The following TMC2 variants were observed in gnomAD, a reference collection of about 807,000 sequenced individuals.
TMC2 encodes the protein transmembrane channel like 2, also known as transmembrane channel-like protein 2.
TMC2 carries 102 observed loss-of-function variants against 105.9 expected under a neutral mutation model. That is an observed-to-expected ratio of 0.96 (90% CI 0.82 to 1.14). The LOEUF (loss-of-function observed/expected upper bound fraction) is 1.14. TMC2 is among the 50% of genes most tolerant of loss of function. The pLI is 0.00. For missense variants in TMC2, 1,093 were observed against 1,134.3 expected (o/e 0.96, Z 0.52); for synonymous variants, 402 against 422.8 (o/e 0.95, Z 0.60).
chr20:2,545,937 GA>G (rs748173258), intron 2 of TMC2, among the ~76,000 whole-genome samples: 57 of 151,324 alleles, frequency 3.8e-4, no homozygotes, highest in Non-Finnish European at 6.5e-4. Flanking sequence ...AAGAAAGAAA[GA>G]AAAGAAAGGG....
chr20:2,537,197 A>G (rs2085855422), intron 1 of TMC2, 72 bp from the exon 2 acceptor site: 4 of 1,409,008 alleles, frequency 2.8e-6, no homozygotes, highest in Non-Finnish European at 3.9e-6. Context: ...GGGGTCCCAC[A>G]GTGACCGGGG....
At chr20:2,549,610 G>C (rs1293012937) in intron 2 of TMC2, among the ~76,000 whole-genome samples, 1 of 151,958 alleles carries the variant, frequency 6.6e-6, no homozygotes, top group African/African-American at 2.4e-5. Flanking sequence ...AGGCATGGTG[G>C]CGTGTGCCTG....
chr20:2,580,145 AAG>A (rs1256486659), intron 7 of TMC2, 89 bp downstream of exon 7: 22 of 722,438 alleles, frequency 3.0e-5, no homozygotes, highest in Non-Finnish European at 4.6e-5. Context: ...CTGTTTTACA[AAG>A]AATCAGTCAT....
At chr20:2,582,549 C>T (rs1229004780) in intron 7 of TMC2, among the ~76,000 whole-genome samples, 1 of 152,176 alleles carries the variant, frequency 6.6e-6, no homozygotes, top group Non-Finnish European at 1.5e-5. Context: ...AGTCTTGGCT[C>T]GCTGCAGCCT....
intron 11 of TMC2, among the ~76,000 whole-genome samples, chr20:2,604,812 T>C (rs932896955): frequency 6.6e-6 from 1 of 152,294 alleles, no homozygotes; most frequent in Non-Finnish European, 1.5e-5. Flanking sequence ...AGGGCAGAGT[T>C]TGAAGAGTGG....
Position 2,610,444 on chromosome 20 carries a change from G to A in TMC2, c.1439G>A (p.Gly480Glu), listed in dbSNP as rs2146235981. 1 of 1,612,364 alleles carries A rather than the reference G, an allele frequency of 6.2e-7. No homozygotes were observed. The highest frequency in any genetic ancestry group is 8.5e-7 in the Non-Finnish European group (1 of 1,179,070). Reference sequence around the variant, plus strand: ...GTAGAGATCGTGATGTCCCTGCTTGGAATGTTTTGTCCCCCTCTGTTTGAA... The same window carrying A: ...GTAGAGATCGTGATGTCCCTGCTTGAAATGTTTTGTCCCCCTCTGTTTGAA... ...NEVEIVMSLL[G>E]MFCPPLFETI... The change falls in exon 12 of 20, where the codon GGA becomes GAA. Residue 480 changes from glycine to glutamate, a missense_variant. Physicochemically the swap from Gly to Glu is moderately conservative, Grantham distance 98. Coordinates refer to ENST00000358864, the MANE Select transcript of TMC2 (RefSeq NM_080751.3).
chr20:2,538,957 A>G (rs2085870288), intron 2 of TMC2, among the ~76,000 whole-genome samples: 1 of 152,218 alleles, frequency 6.6e-6, no homozygotes, highest in Non-Finnish European at 1.5e-5. Context: ...TTCTTTTCTC[A>G]GAATAGCTAC....
At chr20:2,562,146 G>A (rs543855918) in intron 4 of TMC2, 136 bp downstream of exon 4, 24 of 1,132,116 alleles carry the variant, frequency 2.1e-5, no homozygotes, top group Non-Finnish European at 2.9e-5. Context: ...CACTCAGGGA[G>A]CCCCATGAGA....
intron 11 of TMC2, among the ~76,000 whole-genome samples, chr20:2,609,079 C>T (rs1042081297): frequency 6.6e-6 from 1 of 152,202 alleles, no homozygotes; most frequent in Non-Finnish European, 1.5e-5. Flanking sequence ...CTAGTTTTCA[C>T]ATAAATATCT....
At chr20:2,593,566 T>C (rs1413671949) in intron 8 of TMC2, among the ~76,000 whole-genome samples, 3 of 152,198 alleles carry the variant, frequency 2.0e-5, no homozygotes, top group African/African-American at 7.2e-5. Context: ...TGTGAAACAG[T>C]GGACTTGATT....
chr20:2,544,730 T>C (rs1221346863), intron 2 of TMC2, among the ~76,000 whole-genome samples: 1 of 152,166 alleles, frequency 6.6e-6, no homozygotes, highest in East Asian at 1.9e-4. Context: ...AACCACAGCA[T>C]GCTACATTTA....
At chr20:2,564,439 C>T (rs1443674167) in intron 4 of TMC2, among the ~76,000 whole-genome samples, 8 of 152,168 alleles carry the variant, frequency 5.3e-5, no homozygotes, top group Non-Finnish European at 7.3e-5. Context: ...CATGAGCCAC[C>T]GCGCCCGGCC....
chr20:2,550,348 C>CA (rs776883594), intron 2 of TMC2, among the ~76,000 whole-genome samples: 176 of 152,092 alleles, frequency 1.2e-3, no homozygotes, highest in Non-Finnish European at 2.2e-3. Flanking sequence ...GACCCTGTCT[C>CA]AAAAAAATAA....
intron 11 of TMC2, among the ~76,000 whole-genome samples, chr20:2,603,460 G>A (rs1037705722): frequency 1.3e-5 from 2 of 152,196 alleles, no homozygotes; most frequent in African/African-American, 4.8e-5. Flanking sequence ...AAATGGATTT[G>A]ATGCTACAGT....
At chr20:2,637,279 C>T (rs941201576) in intron 18 of TMC2, among the ~76,000 whole-genome samples, 195 bp from the exon 19 acceptor site, 2 of 151,068 alleles carry the variant, frequency 1.3e-5, no homozygotes. Context: ...CCCAGCTACT[C>T]GAGAGGCTGA....
chr20:2,585,510 T>C (rs1354783613), intron 7 of TMC2, among the ~76,000 whole-genome samples: 3 of 152,204 alleles, frequency 2.0e-5, no homozygotes, highest in Non-Finnish European at 4.4e-5. Flanking sequence ...GGTTCTGGCT[T>C]GGGGTCTCCC....
Position 2,610,612 on chromosome 20 carries a change from C to T in TMC2, c.1593+14C>T. ...GTCCACCTCAAGGTAAAAACCACAACACCCCCCACCCCACTGCAATTCCTG... is the reference window on the plus strand; with the variant it reads ...GTCCACCTCAAGGTAAAAACCACAATACCCCCCACCCCACTGCAATTCCTG... On this transcript the variant is annotated intron_variant, in intron 12 of 19. Coordinates refer to ENST00000358864, the MANE Select transcript of TMC2 (RefSeq NM_080751.3). The T allele has an allele frequency of 6.7e-7, 1 of 1,490,564 alleles. No individual in the cohort carries two copies. The highest frequency in any genetic ancestry group is 9.0e-7 in the Non-Finnish European group (1 of 1,108,726). The allele number at this position is 1,490,564 out of a possible 1,614,324, so 92.3% of individuals were successfully genotyped here.
intron 17 of TMC2, among the ~76,000 whole-genome samples, chr20:2,635,134 TGTAGTACAGTCCAG>T (rs2086632137): frequency 6.6e-6 from 1 of 152,200 alleles, no homozygotes; most frequent in South Asian, 2.1e-4. Flanking sequence ...GTGTGTCCTG[TGTAGTACAGTCCAG>T]GTCATAACCC....
chr20:2,636,004 G>A lies in TMC2; in HGVS notation c.2385G>A (p.Val795=). ...ANAQLRKKIQ[V]LREVEKSHKS... ...CCCAGCTGAGGAAGAAAATCCAAGT[G>A]GTGAGTCTGTTGGGAGTTTCATCCT... The change falls in exon 18 of 20, where the codon GTG becomes GTA. Residue 795 remains valine, a splice_region_variant and synonymous_variant. Transcript: ENST00000358864. 6.2e-7 allele frequency: 1 copy of A among 1,613,594 alleles called. No homozygotes were observed. The highest frequency in any genetic ancestry group is 8.5e-7 in the Non-Finnish European group (1 of 1,179,490).
Sources: gnomAD v4.1 joint callset for allele counts (sites outside exome capture counted in the v4.1 genomes callset) on GRCh38, gnomAD v4.1.1 for gene constraint, MANE v1.5 for transcripts, NCBI Gene and HGNC (gene_info 2026-07-23, HGNC 2026-07-21) for gene names.